SPAG16: variants seen among roughly 807,000 people sequenced by gnomAD.
SPAG16 encodes the protein sperm associated antigen 16.
In SPAG16, 86 loss-of-function variants were observed where a neutral mutation model predicts 80.4. The observed-to-expected ratio is 1.07, with a 90% CI of 0.90 to 1.28. The LOEUF is 1.28. SPAG16 is among the 50% of genes most tolerant of loss of function. The pLI, the probability that SPAG16 is intolerant of heterozygous loss-of-function variation, is 0.00. For synonymous variants in SPAG16, 294 were observed against 265.9 expected (o/e 1.11, Z -1.03); for missense variants, 870 against 765.3 (o/e 1.14, Z -1.61).
intron 10 of SPAG16, among the ~76,000 whole-genome samples, chr2:213,658,433 C>G (rs930808742): frequency 6.6e-6 from 1 of 152,044 alleles, no homozygotes; most frequent in African/African-American, 2.4e-5. Flanking sequence ...TATCTGGATA[C>G]AAGCCACAAG....
At chr2:214,371,022 G>A (rs767834853) in intron 15 of SPAG16, among the ~76,000 whole-genome samples, 31 of 152,064 alleles carry the variant, frequency 2.0e-4, no homozygotes, top group South Asian at 1.2e-3. Flanking sequence ...GCTCCAGATC[G>A]CATTAGAGTC....
At chr2:214,266,511 A>T (rs1297834234) in intron 15 of SPAG16, among the ~76,000 whole-genome samples, 1 of 151,830 alleles carries the variant, frequency 6.6e-6, no homozygotes, top group East Asian at 1.9e-4. Context: ...CCCACAACTA[A>T]CATCGTACCT....
In SPAG16 at chr2:213,930,110, A is replaced by G; in HGVS notation, c.1365A>G (p.Ser455=). Residue 455 remains serine, a synonymous_variant, in exon 12 of 16, where the codon TCA becomes TCG. Transcript: ENST00000331683. ...GCGGCAATTTTGTGGCTTCCTCCTCACTGGATAAAACTAGCAAAATTTGGG... is the reference window on the plus strand; with the variant it reads ...GCGGCAATTTTGTGGCTTCCTCCTCGCTGGATAAAACTAGCAAAATTTGGG... ...HSCGNFVASS[S]LDKTSKIWDV... 2.5e-6 allele frequency: 4 copies of G among 1,613,412 alleles called. No individual in the cohort carries two copies. Among genetic ancestry groups the G allele is most frequent in the South Asian group, 1.1e-5 (1 of 90,884 alleles).
intron 10 of SPAG16, among the ~76,000 whole-genome samples, chr2:213,719,686 A>G (rs1309624593): frequency 6.6e-6 from 1 of 152,216 alleles, no homozygotes; most frequent in East Asian, 1.9e-4. Context: ...GTCAGGAAAC[A>G]ACAGATGCTG....
chr2:214,302,723 T>C (rs1694641882), intron 15 of SPAG16, among the ~76,000 whole-genome samples: 1 of 152,190 alleles, frequency 6.6e-6, no homozygotes, highest in Admixed American at 6.5e-5. Flanking sequence ...CCTCAAGTGA[T>C]CCACCTGCCT....
chr2:213,816,790 A>G (rs1377487795), intron 10 of SPAG16, among the ~76,000 whole-genome samples: 1 of 152,102 alleles, frequency 6.6e-6, no homozygotes, highest in Non-Finnish European at 1.5e-5. Context: ...AAATATGCAT[A>G]ATTTCATATT....
chr2:214,038,878 T>C (rs2048851291), intron 13 of SPAG16, among the ~76,000 whole-genome samples: 1 of 152,216 alleles, frequency 6.6e-6, no homozygotes, highest in Non-Finnish European at 1.5e-5. Context: ...GAAATCATTA[T>C]TTTTTATGGC....
At chr2:213,826,503 G>GT (rs2073314150) in intron 10 of SPAG16, among the ~76,000 whole-genome samples, 1 of 99,390 alleles carries the variant, frequency 1.0e-5, no homozygotes, top group South Asian at 4.7e-4. Flanking sequence ...TTGACCCACT[G>GT]ATCATTCAGG....
chr2:213,561,292 C>A (rs2059592332), intron 10 of SPAG16, among the ~76,000 whole-genome samples: 1 of 152,150 alleles, frequency 6.6e-6, no homozygotes, highest in African/African-American at 2.4e-5. Context: ...ACTATAGATT[C>A]ATTCTGAAAG....
chr2:213,612,518 A>G (rs2061469736), intron 10 of SPAG16, among the ~76,000 whole-genome samples: 1 of 152,074 alleles, frequency 6.6e-6, no homozygotes, highest in Admixed American at 6.6e-5. Flanking sequence ...TAACCTTCTG[A>G]ACCTGTTTCT....
At chr2:213,411,529 T>C (rs1465550662) in intron 9 of SPAG16, among the ~76,000 whole-genome samples, 2 of 152,178 alleles carry the variant, frequency 1.3e-5, no homozygotes, top group Non-Finnish European at 2.9e-5. Context: ...GCGTCATGAT[T>C]AAAACTCAAT....
rs35010847 is a variant in SPAG16, at chr2:213,556,312, CA to C, written c.1070+66237del. ...CTGAATGGGTCAAAAAAAAAAAAACCAAAAAAAAAAAAAAACAAGATCTAAC... is the reference window on the plus strand; with the variant it reads ...CTGAATGGGTCAAAAAAAAAAAAACCAAAAAAAAAAAAAACAAGATCTAAC... On this transcript the variant is annotated intron_variant, in intron 10 of 15. Transcript: ENST00000331683. Among the ~76,000 whole-genome samples the C allele has an allele frequency of 3.3e-3, 369 of 112,802 alleles. 1 individual carries two copies. Among genetic ancestry groups the C allele is most frequent in the East Asian group, 8.8e-3 (34 of 3,870 alleles). The allele number at this position is 112,802 out of a possible 152,430, so 74.0% of individuals were successfully genotyped here.
In SPAG16 at chr2:214,309,085, C is replaced by A. The variant is rs138505277; in HGVS notation, c.1721-101055C>A. ...TATGTCTCAGAGGTTTTGTTCATTC[C>A]TTTTCATTCTTTTTTTCTCTAGTCT... On this transcript the variant is annotated intron_variant, in intron 15 of 15. Coordinates refer to ENST00000331683, the MANE Select transcript of SPAG16 (RefSeq NM_024532.5). Among the ~76,000 whole-genome samples the A allele has an allele frequency of 1.8e-3, 271 of 151,932 alleles. 2 individuals are homozygous for A. Among genetic ancestry groups the A allele is most frequent in the African/African-American group, 5.9e-3 (245 of 41,452 alleles).
intron 15 of SPAG16, among the ~76,000 whole-genome samples, chr2:214,308,768 G>A (rs566354745): frequency 6.6e-6 from 1 of 151,982 alleles, no homozygotes; most frequent in Non-Finnish European, 1.5e-5. Flanking sequence ...TATTAGTCAG[G>A]GGCTTCTCTT....
At chr2:213,824,172 C>A (rs1488715408) in intron 10 of SPAG16, among the ~76,000 whole-genome samples, 1 of 152,164 alleles carries the variant, frequency 6.6e-6, no homozygotes, top group Non-Finnish European at 1.5e-5. Flanking sequence ...AATAGGAGAT[C>A]CTTTCCCCAT....
At chr2:213,402,827 T>G (rs187511005) in intron 9 of SPAG16, among the ~76,000 whole-genome samples, 7 of 152,348 alleles carry the variant, frequency 4.6e-5, no homozygotes, top group Middle Eastern at 3.4e-3. Context: ...AGTCTATCGT[T>G]GTTGGACATT....
chr2:213,876,825 G>T (rs1471801985), intron 11 of SPAG16, among the ~76,000 whole-genome samples: 5 of 152,052 alleles, frequency 3.3e-5, no homozygotes, highest in Admixed American at 6.6e-5. Context: ...CAGTATTAGG[G>T]TCCTCGCTCA....
chr2:213,660,619 G>T (rs915218165), intron 10 of SPAG16, among the ~76,000 whole-genome samples: 2 of 152,110 alleles, frequency 1.3e-5, no homozygotes, highest in South Asian at 2.1e-4. Context: ...TAAGTCCAGG[G>T]CATAAAATCC....
chr2:213,938,337 T>C (rs1304808050), intron 12 of SPAG16, among the ~76,000 whole-genome samples: 2 of 151,868 alleles, frequency 1.3e-5, no homozygotes, highest in Non-Finnish European at 2.9e-5. Flanking sequence ...CCATCTGAGG[T>C]AAAAAATGAA....
Sources: gnomAD v4.1 joint callset for allele counts (sites outside exome capture counted in the v4.1 genomes callset) on GRCh38, gnomAD v4.1.1 for gene constraint, MANE v1.5 for transcripts, NCBI Gene and HGNC (gene_info 2026-07-23, HGNC 2026-07-21) for gene names.